ABCC8: variants seen among roughly 807,000 people sequenced by gnomAD.
ABCC8 encodes the protein ATP-binding cassette sub-family C member 8.
ABCC8 carries 137 observed loss-of-function variants against 188.0 expected under a neutral mutation model. That is an observed-to-expected ratio of 0.73 (90% CI 0.63 to 0.84). The LOEUF (loss-of-function observed/expected upper bound fraction) is 0.84, where lower values mean the gene tolerates loss of function less well. Ranked by LOEUF, ABCC8 falls within the 40% of genes least tolerant of loss-of-function variation. The pLI, the probability that ABCC8 is intolerant of heterozygous loss-of-function variation, is 0.00. For synonymous variants in ABCC8, 797 were observed against 846.5 expected (o/e 0.94, Z 1.01); for missense variants, 1,750 against 2,072.7 (o/e 0.84, Z 3.02).
chr11:17,426,426 A>T (rs1483369975), intron 16 of ABCC8, among the ~76,000 whole-genome samples: 1 of 152,186 alleles, frequency 6.6e-6, no homozygotes, highest in Non-Finnish European at 1.5e-5. Context: ...TTTTACATGA[A>T]TCTTTCATCA....
intron 16 of ABCC8, among the ~76,000 whole-genome samples, chr11:17,424,473 C>A (rs1955494867): frequency 6.6e-6 from 1 of 152,096 alleles, no homozygotes; most frequent in Non-Finnish European, 1.5e-5. Flanking sequence ...GAGGTGGGGA[C>A]TGAGGCAGGG....
At chr11:17,435,018 T>TGTGTGTGTGTGTGTGTGTGTG in intron 10 of ABCC8, among the ~76,000 whole-genome samples, 1 of 150,420 alleles carries the variant, frequency 6.6e-6, no homozygotes, top group Admixed American at 6.7e-5. Flanking sequence ...TGTGTGTGTG[T>TGTGTGTGTGTGTGTGTGTGTG]TTTGCAAGAA....
rs1955606323 is a variant in ABCC8 at position 17,426,974 on chromosome 11, G to A, written c.2222+75C>T. ...ACAGAGTGGGCCCTCCAATAAATGTGTGTGCATCCTCAACTGAGGAGGATG... is the reference window on the plus strand; with the variant it reads ...ACAGAGTGGGCCCTCCAATAAATGTATGTGCATCCTCAACTGAGGAGGATG... On this transcript the variant is annotated intron_variant, in intron 16 of 38. Transcript: ENST00000389817. The A allele has an allele frequency of 3.9e-6, 6 of 1,535,744 alleles. No homozygotes were observed. In the Admixed American group the frequency reaches 9.0e-5, roughly 23 times the overall value.
Position 17,408,391 on chromosome 11 carries a change from C to T in ABCC8, c.2820+1G>A. 1 of 1,613,288 alleles carries T rather than the reference C, an allele frequency of 6.2e-7. No individual in the cohort carries two copies. The highest frequency in any genetic ancestry group is 8.5e-7 in the Non-Finnish European group (1 of 1,179,994). On this transcript the variant is annotated splice_donor_variant, in intron 23 of 38. Transcript: ENST00000389817. LOFTEE classifies it high-confidence loss of function. The stretch of plus-strand genomic sequence containing the variant: ...GCTTGGCCATCCCTGGATATACCCA[C>T]CTTCTCCAGCTCTTGGTCCTGTCGG...
chr11:17,405,286 A>G (rs1211119378), intron 27 of ABCC8, among the ~76,000 whole-genome samples: 3 of 152,258 alleles, frequency 2.0e-5, no homozygotes, highest in Admixed American at 6.5e-5. Flanking sequence ...TGGAAGCTAA[A>G]GGGATCTGGT....
chr11:17,401,353 G>T (rs769367311), intron 29 of ABCC8, among the ~76,000 whole-genome samples: 2 of 152,208 alleles, frequency 1.3e-5, no homozygotes, highest in Non-Finnish European at 2.9e-5. Context: ...AGGGGCAAGG[G>T]ATGTCCAGGG....
intron 10 of ABCC8, among the ~76,000 whole-genome samples, chr11:17,435,489 A>C (rs1384682120): frequency 6.6e-6 from 1 of 152,248 alleles, no homozygotes; most frequent in Non-Finnish European, 1.5e-5. Context: ...AACAAGGAGA[A>C]AACTAGACCC....
chr11:17,427,237 C>T lies in ABCC8; in HGVS notation c.2117-83G>A, dbSNP rs1204461615. On this transcript the variant is annotated intron_variant, in intron 15 of 38. Transcript: ENST00000389817. This position sits in a 1 kb window ranked among gnomAD's most constrained non-coding sequence, Gnocchi z 5.0. The stretch of plus-strand genomic sequence containing the variant: ...ACCCAGAAAGACAGACAGACAGATG[C>T]ACCCAACCCTGGGGCCCCTGTTTTC... 4 of 1,433,700 alleles carry T rather than the reference C, an allele frequency of 2.8e-6. No individual in the cohort carries two copies. The East Asian group carries it at 1.1e-4, about 38-fold the overall frequency. The allele number at this position is 1,433,700 out of a possible 1,614,324, so 88.8% of individuals were successfully genotyped here.
rs750945369 is a variant in ABCC8, at chr11:17,443,220, G to A, written c.1425C>T (p.Tyr475=). ...AVIILLAPVQ[Y]FVATKLSQAQ... ...CCTGAGACAGCTTGGTGGCCACGAA[G>A]TACTGGACAGGAGCCAGTAGAATGA... Residue 475 remains tyrosine (Y), a synonymous_variant, in exon 9 of 39, where the codon TAC becomes TAT. Coordinates refer to ENST00000389817, the MANE Select transcript of ABCC8 (RefSeq NM_000352.6). 6.2e-7 allele frequency: 1 copy of A among 1,614,104 alleles called. No homozygotes were observed. The highest frequency in any genetic ancestry group is 1.7e-5 in the Admixed American group (1 of 60,010).
chr11:17,425,092 T>C (rs1216365073), intron 16 of ABCC8, among the ~76,000 whole-genome samples: 1 of 152,176 alleles, frequency 6.6e-6, no homozygotes, highest in East Asian at 1.9e-4. Flanking sequence ...CTCCAAAGGC[T>C]GGAGAGGCAG....
intron 7 of ABCC8, 80 bp from the exon 8 acceptor site, chr11:17,448,751 T>C (rs928579269): frequency 1.3e-5 from 21 of 1,611,400 alleles, no homozygotes; most frequent in Non-Finnish European, 1.8e-5. Flanking sequence ...TGTTACAGTG[T>C]GCCAGGGGCT....
chr11:17,446,872 T>C lies in ABCC8; in HGVS notation c.1332+1644A>G, dbSNP rs118170511. 9.5e-3 allele frequency among the ~76,000 whole-genome samples: 1,439 copies of C among 152,272 alleles called. 19 individuals are homozygous for C. The highest frequency in any genetic ancestry group is 0.011 in the Non-Finnish European group (770 of 68,016). ...AGTAAGGAGGACCAATACAAATCAC[T>C]GGAGATGAAGGTTTATGGAATCTTT... On this transcript the variant is annotated intron_variant, in intron 8 of 38. Coordinates refer to ENST00000389817, the MANE Select transcript of ABCC8 (RefSeq NM_000352.6).
intron 38 of ABCC8, 55 bp downstream of exon 38, chr11:17,393,642 A>G: frequency 6.2e-7 from 1 of 1,611,862 alleles, no homozygotes; most frequent in African/African-American, 1.3e-5. Context: ...GACGGCCACA[A>G]CAGGCCAGTC....
intron 27 of ABCC8, among the ~76,000 whole-genome samples, chr11:17,405,093 C>A (rs377024373): frequency 1.3e-5 from 2 of 152,190 alleles, no homozygotes; most frequent in African/African-American, 4.8e-5. Context: ...AGGCACGTAT[C>A]TCATCTCTCC....
intron 5 of ABCC8, 68 bp from the exon 6 acceptor site, chr11:17,460,744 A>C: frequency 6.3e-7 from 1 of 1,593,592 alleles, no homozygotes; most frequent in Non-Finnish European, 8.5e-7. Flanking sequence ...CTAGCCTCCC[A>C]GGATGCCCCT....
intron 22 of ABCC8, among the ~76,000 whole-genome samples, chr11:17,409,241 G>A (rs924722398): frequency 1.1e-4 from 16 of 152,008 alleles, no homozygotes; most frequent in Non-Finnish European, 1.8e-4. Flanking sequence ...ACAGGCATTA[G>A]CCACCGCGCC....
chr11:17,410,509 C>T lies in ABCC8; in HGVS notation c.2694+7G>A, dbSNP rs2133460747. ...CCCTATAGCCTGACCCCCTTGTTCC[C>T]CCTCACCCAGTCTGCATGGGGCAGG... On this transcript the variant is annotated splice_region_variant and intron_variant, in intron 22 of 38. Coordinates refer to ENST00000389817, the MANE Select transcript of ABCC8 (RefSeq NM_000352.6). The T allele has an allele frequency of 6.2e-7, 1 of 1,614,142 alleles. No individual in the cohort carries two copies. The highest frequency in any genetic ancestry group is 2.2e-5 in the East Asian group (1 of 44,864).
chr11:17,394,440 C>T, intron 36 of ABCC8, 41 bp from the exon 37 acceptor site: 1 of 1,613,932 alleles, frequency 6.2e-7, no homozygotes, highest in Non-Finnish European at 8.5e-7. Context: ...CTGAGTTAAT[C>T]TTGTGCTGTG....
Position 17,396,900 on chromosome 11 carries a change from G to C in ABCC8, c.4119+16C>G, listed in dbSNP as rs1188465637. 1.2e-6 allele frequency: 2 copies of C among 1,613,340 alleles called. No individual in the cohort carries two copies. Among genetic ancestry groups the C allele is most frequent in the Admixed American group, 1.7e-5 (1 of 60,022 alleles). On this transcript the variant is annotated intron_variant, in intron 33 of 38. Transcript: ENST00000389817. Reference sequence around the variant, plus strand: ...CACGCCTGTCCTGCAGCATTGGGTTGGGCCCGTGCTCTGACCTTCTGTCCA... The same window carrying C: ...CACGCCTGTCCTGCAGCATTGGGTTCGGCCCGTGCTCTGACCTTCTGTCCA...
Sources: gnomAD v4.1 joint callset for allele counts (sites outside exome capture counted in the v4.1 genomes callset) on GRCh38, gnomAD v4.1.1 for gene constraint, Gnocchi (gnomAD v3.1) non-coding constraint, MANE v1.5 for transcripts, NCBI Gene and HGNC (gene_info 2026-07-23, HGNC 2026-07-21) for gene names.